INTS1: variants seen among roughly 807,000 people sequenced by gnomAD.
INTS1 encodes the protein integrator complex subunit 1.
In INTS1, 137 loss-of-function variants were observed where a neutral mutation model predicts 241.6. The observed-to-expected ratio is 0.57, with a 90% CI of 0.49 to 0.65. INTS1 has a LOEUF of 0.65. Ranked by LOEUF, INTS1 falls within the 30% of genes least tolerant of loss-of-function variation. The pLI, the probability that INTS1 is intolerant of heterozygous loss-of-function variation, is 0.00. For synonymous variants in INTS1, 1,692 were observed against 1,337.8 expected (o/e 1.26, Z -5.78); for missense variants, 3,073 against 3,032.2 (o/e 1.01, Z -0.32).
At position 1,499,994 on chromosome 7, in the gene INTS1, C is replaced by T. The variant is rs545764403; in HGVS notation, c.574G>A (p.Ala192Thr). Residue 192 changes from alanine to threonine, a missense_variant, in exon 5 of 48, where the codon GCC (alanine) becomes ACC (threonine). Coordinates refer to ENST00000404767, the MANE Select transcript of INTS1 (RefSeq NM_001080453.3). The stretch of plus-strand genomic sequence containing the variant: ...CCCTTGGCCTTGAAGTTGATGGAGG[C>T]GTCCCGCCGCAGGAGGCTACACAGA... ...EALCSLLRRD[A>T]SINFKAKGNS... 5.6e-6 allele frequency: 9 copies of T among 1,613,276 alleles called. No homozygotes were observed. The highest frequency in any genetic ancestry group is 2.2e-5 in the East Asian group (1 of 44,870).
intron 10 of INTS1, among the ~76,000 whole-genome samples, chr7:1,498,069 C>T (rs1385709461): frequency 6.6e-6 from 1 of 151,952 alleles, no homozygotes; most frequent in African/African-American, 2.4e-5. Context: ...TAAAAACTAC[C>T]TTACTATCCA....
chr7:1,498,658 ACACCCCCACTCCACCCG>A (rs1457242501), intron 9 of INTS1, 32 bp downstream of exon 9: 41 of 261,702 alleles, frequency 1.6e-4, no homozygotes, highest in Non-Finnish European at 2.2e-4. Flanking sequence ...ACCCCCACCC[ACACCCCCACTCCACCCG>A]CACCCCCGCT....
At position 1,478,485 on chromosome 7, in the gene INTS1, A is replaced by G. The variant is rs1424641731; in HGVS notation, c.4511T>C (p.Leu1504Pro). Residue 1504 changes from leucine (L) to proline (P), a missense_variant, in exon 33 of 48, where the codon CTG becomes CCG. Coordinates refer to ENST00000404767, the MANE Select transcript of INTS1 (RefSeq NM_001080453.3). ...LSDVRGGLLRLAEALAFRQDL... is the reference protein window; with the variant it reads ...LSDVRGGLLRPAEALAFRQDL... ...CTGACGGAAGGCCAGGGCCTCGGCC[A>G]GGCGCAGGAGCCCCCCTCGCACTGT... 1 of 1,611,436 alleles carries G rather than the reference A, an allele frequency of 6.2e-7. No homozygotes were observed. Among genetic ancestry groups the G allele is most frequent in the Non-Finnish European group, 8.5e-7 (1 of 1,179,598 alleles).
At chr7:1,499,385 T>C in intron 6 of INTS1, 25 bp from the exon 7 acceptor site, 2 of 1,562,176 alleles carry the variant, frequency 1.3e-6, no homozygotes, top group Non-Finnish European at 1.7e-6. Context: ...GAGGGCTCCA[T>C]GCAGCGCCTC....
intron 33 of INTS1, among the ~76,000 whole-genome samples, 170 bp from the exon 34 acceptor site, chr7:1,478,106 G>A (rs1158691785): frequency 6.7e-6 from 1 of 148,394 alleles, no homozygotes; most frequent in South Asian, 2.1e-4. Flanking sequence ...AGGAGAGTGC[G>A]GCCGGGGCTG....
intron 31 of INTS1, 88 bp downstream of exon 31, chr7:1,479,342 A>G: frequency 1.4e-6 from 2 of 1,418,840 alleles, no homozygotes; most frequent in Non-Finnish European, 1.9e-6. Context: ...AGACCCACAG[A>G]GGAGCAGTCA....
rs763340360 is a variant in INTS1, at chr7:1,471,231, G to T, written c.6256-7C>A. The T allele has an allele frequency of 3.2e-6, 5 of 1,570,598 alleles. No individual in the cohort carries two copies. The highest frequency in any genetic ancestry group is 4.3e-6 in the Non-Finnish European group (5 of 1,159,280). On this transcript the variant is annotated splice_polypyrimidine_tract_variant and splice_region_variant and intron_variant, in intron 45 of 47. Coordinates refer to ENST00000404767, the MANE Select transcript of INTS1 (RefSeq NM_001080453.3). ...TCAGCCGCTGCAGGTTGGTCTGACC[G>T]GGGGAAAGGTGGGAGGTGTGTGACC... is the stretch of plus-strand genomic sequence containing the variant.
In INTS1 at chr7:1,484,162, G is replaced by A. The variant is rs866182768; in HGVS notation, c.3270C>T (p.Ala1090=). The A allele has an allele frequency of 3.7e-6, 6 of 1,610,056 alleles. No individual in the cohort carries two copies. The African/African-American group carries it at 5.3e-5, about 14-fold the overall frequency. ...AQHSDLALDV[A]RLVVERSTIM... Reference sequence around the variant, plus strand: ...TGGTGGAGCGCTCCACGACCAGCCGGGCCACGTCCTGGTGTGTGGACAGGG... The same window carrying A: ...TGGTGGAGCGCTCCACGACCAGCCGAGCCACGTCCTGGTGTGTGGACAGGG... Residue 1090 remains alanine, a synonymous_variant, in exon 25 of 48, where the codon GCC becomes GCT. Coordinates refer to ENST00000404767, the MANE Select transcript of INTS1 (RefSeq NM_001080453.3).
Position 1,503,179 on chromosome 7 carries a change from G to T in INTS1, c.71C>A (p.Pro24Gln), listed in dbSNP as rs900790397. 1 of 1,532,574 alleles carries T rather than the reference G, an allele frequency of 6.5e-7. No individual in the cohort carries two copies. Among genetic ancestry groups the T allele is most frequent in the East Asian group, 2.3e-5 (1 of 44,078 alleles). The allele number at this position is 1,532,574 out of a possible 1,614,324, so 94.9% of individuals were successfully genotyped here. Residue 24 changes from proline to glutamine, a missense_variant, in exon 3 of 48, where the codon CCA (proline) becomes CAA (glutamine). By Grantham distance (76) the Pro-to-Gln change is moderately conservative. Transcript: ENST00000404767. The part of the protein sequence containing the change: ...AAAKPSGHPP[P>Q]GDFIALGSKG... ...TGAGCCCAGAGCAATGAAGTCTCCT[G>T]GGGGAGGGTGCCCTGCAGAGAAAGG...
chr7:1,501,729 G>A (rs1197548245), intron 3 of INTS1, among the ~76,000 whole-genome samples: 1 of 152,140 alleles, frequency 6.6e-6, no homozygotes. Flanking sequence ...TGGGAGGTCT[G>A]AGGCTCGACC....
At position 1,496,252 on chromosome 7, in the gene INTS1, C is replaced by A; in HGVS notation, c.1615G>T (p.Val539Leu). Residue 539 changes from valine (V) to leucine (L), a missense_variant, in exon 12 of 48, where the codon GTG (valine) becomes TTG (leucine). By Grantham distance (32) the Val-to-Leu change is conservative. Coordinates refer to ENST00000404767, the MANE Select transcript of INTS1 (RefSeq NM_001080453.3). ...LEMEFKERFV[V>L]HITDVLAVSM... ...ACGGCCAGGACGTCGGTGATGTGCA[C>A]CACGAAGCGCTCCTGCAGGTGCAGC... 1 of 1,613,702 alleles carries A rather than the reference C, an allele frequency of 6.2e-7. No individual in the cohort carries two copies. Among genetic ancestry groups the A allele is most frequent in the Non-Finnish European group, 8.5e-7 (1 of 1,179,778 alleles).
rs369512354 is a variant in INTS1, at chr7:1,481,281, T to C, written c.3850+61A>G. ...CGCTCGCACCCAGGCCCCAAAAGCC[T>C]GGCCGGGCTGGGGCTCGGTCAGCGT... On this transcript the variant is annotated intron_variant, in intron 28 of 47. Transcript: ENST00000404767. This position sits in a 1 kb window ranked among gnomAD's most constrained non-coding sequence, Gnocchi z 6.8. 9.9e-5 allele frequency: 158 copies of C among 1,600,654 alleles called. No homozygotes were observed. The highest frequency in any genetic ancestry group is 1.3e-4 in the Non-Finnish European group (154 of 1,172,108).
chr7:1,479,784 G>A (rs1443899199), intron 30 of INTS1, 100 bp from the exon 31 acceptor site: 58 of 1,233,430 alleles, frequency 4.7e-5, no homozygotes, highest in South Asian at 8.3e-5. Context: ...CCAGAACCGC[G>A]TCCCATCGTG....
chr7:1,480,404 C>T lies in INTS1; in HGVS notation c.3987G>A (p.Glu1329=), dbSNP rs1237099953. Residue 1329 remains glutamate, a synonymous_variant, in exon 30 of 48, where the codon GAG becomes GAA. Coordinates refer to ENST00000404767, the MANE Select transcript of INTS1 (RefSeq NM_001080453.3). The part of the protein sequence containing the change: ...TEAPKPKSSP[E]QPIGQGRIRV... ...GAATCCGGCCCTGGCCTATGGGCTGCTCTGGGCTGCTCTTTGGTTTGGGTG... is the reference window on the plus strand; with the variant it reads ...GAATCCGGCCCTGGCCTATGGGCTGTTCTGGGCTGCTCTTTGGTTTGGGTG... 1 of 1,613,224 alleles carries T rather than the reference C, an allele frequency of 6.2e-7. No individual in the cohort carries two copies. The highest frequency in any genetic ancestry group is 2.2e-5 in the East Asian group (1 of 44,884).
Position 1,476,660 on chromosome 7 carries a change from G to T in INTS1, c.5064-3C>A. The T allele has an allele frequency of 6.2e-7, 1 of 1,612,624 alleles. No individual in the cohort carries two copies. Among genetic ancestry groups the T allele is most frequent in the Non-Finnish European group, 8.5e-7 (1 of 1,179,820 alleles). ...CCAGAGAGGCAGAGGGGTCGAACCT[G>T]TGGGGAGGCAAAGGTTCCAGAGCAC... On this transcript the variant is annotated splice_region_variant and splice_polypyrimidine_tract_variant and intron_variant, in intron 36 of 47. Transcript: ENST00000404767.
chr7:1,499,849 C>A, intron 5 of INTS1, 35 bp downstream of exon 5: 1 of 1,598,640 alleles, frequency 6.3e-7, no homozygotes, highest in Non-Finnish European at 8.5e-7. Context: ...CCGTGGCGCT[C>A]TGCCATCTTC....
At chr7:1,498,946 C>CCCCCCCCCCCCCCCCCCGG (rs2128544218) in intron 8 of INTS1, 29 bp downstream of exon 8, 3 of 1,194,112 alleles carry the variant, frequency 2.5e-6, no homozygotes, top group East Asian at 2.8e-5. Flanking sequence ...ACCCCCTGCC[C>CCCCCCCCCCCCCCCCCCGG]CGCCCACCCC....
intron 25 of INTS1, 34 bp from the exon 26 acceptor site, chr7:1,483,887 T>G: frequency 6.3e-7 from 1 of 1,595,084 alleles, no homozygotes; most frequent in South Asian, 1.1e-5. Flanking sequence ...GGCCGTAAGG[T>G]TCAGGGACCC....
intron 23 of INTS1, 40 bp from the exon 24 acceptor site, chr7:1,485,242 T>C (rs1782198063): frequency 1.3e-6 from 2 of 1,596,780 alleles, no homozygotes; most frequent in South Asian, 2.2e-5. Context: ...AGGGCAGGGC[T>C]GCGGCCCTCT....
Sources: gnomAD v4.1 joint callset for allele counts (sites outside exome capture counted in the v4.1 genomes callset) on GRCh38, gnomAD v4.1.1 for gene constraint, Gnocchi (gnomAD v3.1) non-coding constraint, MANE v1.5 for transcripts, NCBI Gene and HGNC (gene_info 2026-07-23, HGNC 2026-07-21) for gene names.